The following MTMR8 variants were observed in gnomAD, a reference collection of about 807,000 sequenced individuals.
MTMR8 encodes the protein myotubularin related protein 8.
MTMR8 carries 65 observed loss-of-function variants against 39.3 expected under a neutral mutation model. The ratio of observed to expected loss-of-function variants is 1.65; its 90% CI spans 1.35 to 2.03. MTMR8 has a LOEUF of 2.03. MTMR8 is among the 30% of genes most tolerant of loss of function. The pLI, the probability that MTMR8 is intolerant of heterozygous loss-of-function variation, is 0.00. For synonymous variants in MTMR8, 245 were observed against 185.2 expected (o/e 1.32, Z -2.62); for missense variants, 777 against 538.9 (o/e 1.44, Z -4.37).
At chrX:64,301,483 T>G (rs1307990262) in intron 12 of MTMR8, among the ~76,000 whole-genome samples, 74 of 107,516 alleles carry the variant, frequency 6.9e-4, no homozygotes, top group African/African-American at 2.5e-3. Context: ...TTCTTCTAAA[T>G]TTTTTTCAAA....
intron 12 of MTMR8, among the ~76,000 whole-genome samples, chrX:64,277,868 C>CA (rs1445402723): frequency 9.0e-6 from 1 of 111,032 alleles, no homozygotes; most frequent in Non-Finnish European, 1.9e-5. Context: ...GTACACCAAT[C>CA]AAATGTAGGT....
At chrX:64,359,360 G>A (rs747111091) in intron 2 of MTMR8, 45 bp downstream of exon 2, 1 of 1,161,898 alleles carries the variant, frequency 8.6e-7, no homozygotes, top group South Asian at 2.0e-5. Context: ...GAGCATGTAT[G>A]CACAACTCTT....
chrX:64,353,983 C>T (rs73524795), intron 4 of MTMR8, among the ~76,000 whole-genome samples: 9,214 of 109,116 alleles, frequency 0.084, 1,017 homozygotes, highest in African/African-American at 0.29. Context: ...AACTCAGTCA[C>T]AAAAAAATGT....
chrX:64,307,110 A>G (rs935293441), intron 12 of MTMR8, among the ~76,000 whole-genome samples: 2 of 111,978 alleles, frequency 1.8e-5, no homozygotes, highest in Non-Finnish European at 3.8e-5. Context: ...ATTTTTAACT[A>G]GGCTTGCTTT....
intron 1 of MTMR8, among the ~76,000 whole-genome samples, chrX:64,394,771 C>T (rs189345234): frequency 6.3e-4 from 71 of 112,416 alleles, no homozygotes; most frequent in Non-Finnish European, 1.0e-3. Context: ...CTCTGCCCCA[C>T]TCCTCTTCCT....
At chrX:64,389,608 C>G (rs1924644364) in intron 1 of MTMR8, among the ~76,000 whole-genome samples, 1 of 111,606 alleles carries the variant, frequency 9.0e-6, no homozygotes, top group South Asian at 3.8e-4. Flanking sequence ...TCTTTCCTTG[C>G]AATGTAGTAC....
chrX:64,341,797 A>G (rs147173390), intron 8 of MTMR8, among the ~76,000 whole-genome samples: 32 of 112,162 alleles, frequency 2.9e-4, no homozygotes, highest in Non-Finnish European at 5.1e-4. Flanking sequence ...GGACATAAAC[A>G]TTAAACTACT....
In MTMR8 at chrX:64,337,457, G is replaced by A; in HGVS notation, c.976-64C>T. ...TTTGCACAGCTTGTTGGATTAAAGA[G>A]TTGCCAAATACTGTCCCTAAAGCAC... On this transcript the variant is annotated intron_variant, in intron 8 of 13. Transcript: ENST00000374852. 5 of 1,144,612 alleles carry A rather than the reference G, an allele frequency of 4.4e-6. No homozygotes were observed. The Admixed American group carries it at 1.2e-4, about 29-fold the overall frequency. 94.3% of individuals were successfully genotyped at this position (1,144,612 alleles called of 1,213,427 possible).
chrX:64,346,606 A>T (rs959422846), intron 6 of MTMR8, among the ~76,000 whole-genome samples: 12 of 110,156 alleles, frequency 1.1e-4, no homozygotes, highest in Non-Finnish European at 2.1e-4. Context: ...CCTAATGCAG[A>T]TAACTAGCTA....
intron 10 of MTMR8, among the ~76,000 whole-genome samples, chrX:64,335,517 T>A (rs1923051255): frequency 8.9e-6 from 1 of 112,379 alleles, no homozygotes. Flanking sequence ...CAAATATTTA[T>A]CGATTGTTCT....
chrX:64,299,486 C>G (rs1921758731), intron 12 of MTMR8, among the ~76,000 whole-genome samples: 1 of 102,780 alleles, frequency 9.7e-6, no homozygotes, highest in Non-Finnish European at 2.0e-5. Flanking sequence ...CTTTATTAGT[C>G]TTGCTAGCAG....
At chrX:64,337,126 A>G in intron 9 of MTMR8, 142 bp downstream of exon 9, 1 of 587,921 alleles carries the variant, frequency 1.7e-6, no homozygotes, top group Non-Finnish European at 2.6e-6. Context: ...CCTAAATTTA[A>G]TGAAAAGAAG....
At chrX:64,291,746 G>T (rs1459036424) in intron 12 of MTMR8, among the ~76,000 whole-genome samples, 1 of 111,607 alleles carries the variant, frequency 9.0e-6, no homozygotes, top group African/African-American at 3.3e-5. Flanking sequence ...TTTGGAACAC[G>T]TTCGCATAAC....
chrX:64,330,202 G>A (rs983672939), intron 11 of MTMR8, among the ~76,000 whole-genome samples: 2 of 111,972 alleles, frequency 1.8e-5, no homozygotes, highest in African/African-American at 6.5e-5. Flanking sequence ...CCAATTTTAA[G>A]AGAAGGAAAA....
At chrX:64,349,423 C>A (rs746298708) in intron 5 of MTMR8, among the ~76,000 whole-genome samples, 1 of 111,390 alleles carries the variant, frequency 9.0e-6, no homozygotes, top group South Asian at 3.8e-4. Context: ...TGAACGGTTG[C>A]CCACCTGACA....
intron 12 of MTMR8, among the ~76,000 whole-genome samples, chrX:64,291,556 CT>C (rs1296508404): frequency 9.0e-6 from 1 of 111,104 alleles, no homozygotes; most frequent in Non-Finnish European, 1.9e-5. Flanking sequence ...TTGTGTGCTA[CT>C]GTGGTCATAT....
At chrX:64,279,601 A>G (rs1256609748) in intron 12 of MTMR8, among the ~76,000 whole-genome samples, 1 of 112,176 alleles carries the variant, frequency 8.9e-6, no homozygotes, top group Non-Finnish European at 1.9e-5. Context: ...CAAAATCACA[A>G]TGGTGTTTTT....
chrX:64,368,039 A>C (rs1480517642), intron 1 of MTMR8, among the ~76,000 whole-genome samples: 5 of 111,827 alleles, frequency 4.5e-5, no homozygotes, highest in African/African-American at 1.6e-4. Flanking sequence ...CTTAGGAATC[A>C]AACTTACAAG....
At chrX:64,358,709 C>A (rs1923693034) in intron 2 of MTMR8, among the ~76,000 whole-genome samples, 1 of 111,020 alleles carries the variant, frequency 9.0e-6, no homozygotes, top group African/African-American at 3.3e-5. Flanking sequence ...AAGCATAAAT[C>A]TAACTAATGA....
Sources: allele counts gnomAD v4.1 joint callset (sites outside exome capture counted in the v4.1 genomes callset), GRCh38; gene constraint gnomAD v4.1.1; transcripts MANE v1.5; gene names NCBI Gene and HGNC (gene_info 2026-07-23, HGNC 2026-07-21).